DROSHA: variants seen among roughly 807,000 people sequenced by gnomAD.
DROSHA encodes the protein drosha ribonuclease III, also known as ribonuclease 3.
A neutral mutation model predicts 181.9 loss-of-function variants in DROSHA; 56 were observed. That is an observed-to-expected ratio of 0.31 (90% CI 0.25 to 0.38). DROSHA has a LOEUF of 0.38. Among genes scored for constraint, DROSHA ranks in the 10% least tolerant of loss-of-function variants. The pLI is 1.00. For missense variants in DROSHA, 1,218 were observed against 1,743.5 expected, an observed-to-expected ratio of 0.70 and a Z score of 5.37; for synonymous variants, 524 against 591.2, an observed-to-expected ratio of 0.89 and a Z score of 1.65.
intron 23 of DROSHA, among the ~76,000 whole-genome samples, chr5:31,446,676 T>TAAA (rs35657251): frequency 7.0e-5 from 9 of 128,008 alleles, no homozygotes; most frequent in African/African-American, 2.0e-4. Flanking sequence ...TGTCTCTATT[T>TAAA]AAAAAAAAAA....
chr5:31,439,761 T>C (rs573387338), intron 23 of DROSHA, among the ~76,000 whole-genome samples: 2 of 152,256 alleles, frequency 1.3e-5, no homozygotes, highest in South Asian at 2.1e-4. Flanking sequence ...AGAACCTTAA[T>C]GTCTATTTCA....
At chr5:31,450,182 T>C (rs1278142166) in intron 21 of DROSHA, among the ~76,000 whole-genome samples, 2 of 152,122 alleles carry the variant, frequency 1.3e-5, no homozygotes, top group Non-Finnish European at 2.9e-5. Context: ...CAGGTGTTGG[T>C]GTGATGCAGT....
rs1739964791 is a variant in DROSHA, at chr5:31,401,290, AAAC to A, written c.*139_*141del. 8.4e-7 allele frequency: 1 copy of A among 1,189,980 alleles called. No homozygotes were observed. Among genetic ancestry groups the A allele is most frequent in the South Asian group, 1.2e-5 (1 of 81,284 alleles). The allele number at this position is 1,189,980 out of a possible 1,614,324, so 73.7% of individuals were successfully genotyped here. A position where few individuals can be genotyped will look rare whatever the true frequency, so the allele number is the denominator to read the frequency against. ...CCATCCAGCTAAAAACAGATCATTA[AAAC>A]AACAATAGCGATTTGACTCTGTATT... On this transcript the variant is annotated 3_prime_UTR_variant, in exon 36 of 36. Transcript: ENST00000344624.
chr5:31,474,927 A>T (rs576589825), intron 16 of DROSHA, among the ~76,000 whole-genome samples: 2 of 152,334 alleles, frequency 1.3e-5, no homozygotes, highest in South Asian at 4.1e-4. Flanking sequence ...GTGAGAAATA[A>T]GTGTTTGTTG....
rs572609639 is a variant in DROSHA at position 31,478,914 on chromosome 5, T to C, written c.2071+4640A>G. On this transcript the variant is annotated intron_variant, in intron 16 of 35. Coordinates refer to ENST00000344624, the MANE Select transcript of DROSHA (RefSeq NM_001382508.1). ...CTATCTTAACACATAATTTCACTAC[T>C]AGAACTCTACCTTACAGAAACAAAC... Among the ~76,000 whole-genome samples the C allele has an allele frequency of 4.0e-4, 61 of 152,292 alleles. No individual in the cohort carries two copies. In the Middle Eastern group the frequency reaches 0.014, roughly 34 times the overall value.
At position 31,409,602 on chromosome 5, in the gene DROSHA, C is replaced by A; in HGVS notation, c.3668-270G>T. On this transcript the variant is annotated intron_variant, in intron 31 of 35. Coordinates refer to ENST00000344624, the MANE Select transcript of DROSHA (RefSeq NM_001382508.1). This position sits in a 1 kb window ranked among gnomAD's most constrained non-coding sequence, Gnocchi z 4.0. ...ATAGCTTAAAAGGTACACAGAATGC[C>A]GCTGTATATCAGGGAAAAAATGCTG... 2.6e-6 allele frequency: 1 copy of A among 378,348 alleles called. No homozygotes were observed. The highest frequency in any genetic ancestry group is 4.9e-6 in the Non-Finnish European group (1 of 205,216). 23.4% of individuals were successfully genotyped at this position (378,348 alleles called of 1,614,324 possible).
At chr5:31,497,014 G>A (rs1753060203) in intron 11 of DROSHA, among the ~76,000 whole-genome samples, 1 of 152,194 alleles carries the variant, frequency 6.6e-6, no homozygotes, top group African/African-American at 2.4e-5. Context: ...GTGGTGACTG[G>A]TAATGCCTGT....
At chr5:31,528,168 A>C (rs1384946835) in intron 4 of DROSHA, among the ~76,000 whole-genome samples, 3 of 151,724 alleles carry the variant, frequency 2.0e-5, no homozygotes, top group Non-Finnish European at 4.4e-5. Flanking sequence ...CACTCTGCTC[A>C]CTCTCTCTTC....
intron 5 of DROSHA, among the ~76,000 whole-genome samples, chr5:31,525,592 AC>A (rs1205525513): frequency 6.6e-6 from 1 of 152,072 alleles, no homozygotes; most frequent in Non-Finnish European, 1.5e-5. Flanking sequence ...AAAGAAACCA[AC>A]CAAGAAGGCA....
intron 23 of DROSHA, among the ~76,000 whole-genome samples, chr5:31,440,372 A>G (rs1171632764): frequency 6.6e-6 from 1 of 152,232 alleles, no homozygotes; most frequent in Non-Finnish European, 1.5e-5. Flanking sequence ...TAGTTTCCAT[A>G]TATAGTAGAA....
At chr5:31,422,048 T>C (rs1318447843) in intron 29 of DROSHA, among the ~76,000 whole-genome samples, 1 of 145,036 alleles carries the variant, frequency 6.9e-6, no homozygotes, top group East Asian at 2.1e-4. Flanking sequence ...GCCGTAATCA[T>C]GCCACTGCAT....
At chr5:31,449,205 C>T in intron 22 of DROSHA, 76 bp downstream of exon 22, 2 of 1,569,456 alleles carry the variant, frequency 1.3e-6, no homozygotes, top group Admixed American at 3.5e-5. Context: ...GGAACCATTC[C>T]TAGAGGCGAA....
intron 11 of DROSHA, among the ~76,000 whole-genome samples, chr5:31,503,732 C>G (rs372772284): frequency 2.2e-4 from 33 of 152,332 alleles, no homozygotes; most frequent in African/African-American, 7.2e-4. Context: ...GAGCTCCCAA[C>G]CTGAGGCATG....
At chr5:31,402,318 C>T (rs1375643495) in intron 35 of DROSHA, among the ~76,000 whole-genome samples, 1 of 152,162 alleles carries the variant, frequency 6.6e-6, no homozygotes, top group Non-Finnish European at 1.5e-5. Context: ...TCAGTGATCT[C>T]GCTCTCCATG....
At chr5:31,521,051 T>C in intron 6 of DROSHA, 72 bp downstream of exon 6, 1 of 1,497,604 alleles carries the variant, frequency 6.7e-7, no homozygotes, top group Non-Finnish European at 9.3e-7. Context: ...TGGCTGTTGC[T>C]CCATACAAGC....
chr5:31,452,610 C>T (rs1271375385), intron 20 of DROSHA, among the ~76,000 whole-genome samples: 1 of 152,162 alleles, frequency 6.6e-6, no homozygotes, highest in Non-Finnish European at 1.5e-5. Flanking sequence ...TATATTATTT[C>T]AGTCTTTGAA....
chr5:31,446,166 G>C (rs1746217759), intron 23 of DROSHA, among the ~76,000 whole-genome samples: 1 of 152,094 alleles, frequency 6.6e-6, no homozygotes, highest in Non-Finnish European at 1.5e-5. Flanking sequence ...ATAATTCCAG[G>C]CCGGGCGTGG....
chr5:31,421,196 G>C (rs1296476641), intron 30 of DROSHA, 76 bp downstream of exon 30: 8 of 1,099,306 alleles, frequency 7.3e-6, no homozygotes, highest in South Asian at 1.3e-5. Flanking sequence ...TAATTACATA[G>C]ATATATATTT....
At chr5:31,525,052 C>T (rs1216378743) in intron 5 of DROSHA, among the ~76,000 whole-genome samples, 1 of 151,812 alleles carries the variant, frequency 6.6e-6, no homozygotes, top group Non-Finnish European at 1.5e-5. Context: ...AAAATTAGGC[C>T]AGGCGCAGTG....
Sources: allele counts gnomAD v4.1 joint callset (sites outside exome capture counted in the v4.1 genomes callset), GRCh38; gene constraint gnomAD v4.1.1; non-coding constraint Gnocchi (gnomAD v3.1); transcripts MANE v1.5; gene names NCBI Gene and HGNC (gene_info 2026-07-23, HGNC 2026-07-21).